Variants in TMEM198 observed in about 807,000 individuals in gnomAD.
The protein encoded by TMEM198 is transmembrane protein 198.
A neutral mutation model predicts 31.5 loss-of-function variants in TMEM198; 21 were observed. The ratio of observed to expected loss-of-function variants is 0.67; its 90% CI spans 0.47 to 0.96. TMEM198 has a LOEUF of 0.96. Among genes scored for constraint, TMEM198 ranks in the 40% least tolerant of loss-of-function variants. The pLI is 0.00. For missense variants in TMEM198, 447 were observed against 499.4 expected (o/e 0.89, Z 1.00); for synonymous variants, 211 against 223.3 (o/e 0.95, Z 0.49).
chr2:219,549,308 G>A lies in TMEM198; in HGVS notation c.899G>A (p.Arg300His), dbSNP rs144155668. The change falls in exon 4 of 5, where the codon CGC becomes CAC. Residue 300 changes from arginine to histidine, a missense_variant. Transcript: ENST00000373883. ...GGGCCACCAGACCCTGCTTATCGGC[G>A]CAGGCCAGTGCCCATCAAACGCTTC... is the stretch of plus-strand genomic sequence containing the variant. Reference protein sequence around the residue: ...RPGPPDPAYRRRPVPIKRFNG... With the variant: ...RPGPPDPAYRHRPVPIKRFNG... 9.2e-5 allele frequency: 148 copies of A among 1,613,710 alleles called. No homozygotes were observed. Among genetic ancestry groups the A allele is most frequent in the South Asian group, 4.4e-5 (4 of 91,086 alleles).
In TMEM198 at chr2:219,548,192, A is replaced by G. The variant is rs1203281768; in HGVS notation, c.742+111A>G. The G allele has an allele frequency of 2.9e-6, 3 of 1,039,292 alleles. 1 individual carries two copies. Among genetic ancestry groups the G allele is most frequent in the South Asian group, 3.4e-5 (2 of 58,372 alleles). 64.4% of individuals were successfully genotyped at this position (1,039,292 alleles called of 1,614,324 possible). A position where few individuals can be genotyped will look rare whatever the true frequency, so the allele number is the denominator to read the frequency against. ...AGCAGCAGAAGGCCTCGATGGCGGT[A>G]GAGAGCTGACTTGCTCAGGGTCTGG... On this transcript the variant is annotated intron_variant, in intron 3 of 4. Transcript: ENST00000373883.
At chr2:219,546,299 A>G (rs1364316095) in intron 2 of TMEM198, among the ~76,000 whole-genome samples, 3 of 152,118 alleles carry the variant, frequency 2.0e-5, no homozygotes, top group East Asian at 1.9e-4. Flanking sequence ...AAGTATCTCT[A>G]ATGGGCCTAA....
intron 1 of TMEM198, 44 bp from the exon 2 acceptor site, chr2:219,544,645 G>C: frequency 6.6e-7 from 1 of 1,522,618 alleles, no homozygotes; most frequent in Non-Finnish European, 9.0e-7. Context: ...CCATCCTGGT[G>C]GGGACCCAGG....
Position 219,549,987 on chromosome 2 carries a change from G to C in TMEM198, c.*133G>C, listed in dbSNP as rs1003646330. On this transcript the variant is annotated 3_prime_UTR_variant, in exon 5 of 5. Transcript: ENST00000373883. ...GAGAGGGCTGGCCTGGTCACTAGAA[G>C]GGAGGATTGTCTCAGGCGAGTCTTG... 6.2e-5 allele frequency: 77 copies of C among 1,238,074 alleles called. No individual in the cohort carries two copies. Among genetic ancestry groups the C allele is most frequent in the Non-Finnish European group, 7.8e-5 (70 of 899,926 alleles). The allele number at this position is 1,238,074 out of a possible 1,614,324, so 76.7% of individuals were successfully genotyped here. A position where few individuals can be genotyped will look rare whatever the true frequency, so the allele number is the denominator to read the frequency against.
chr2:219,545,496 G>A (rs1219964087), intron 2 of TMEM198, among the ~76,000 whole-genome samples: 1 of 152,206 alleles, frequency 6.6e-6, no homozygotes, highest in Non-Finnish European at 1.5e-5. Context: ...CAGCTGAGTG[G>A]GCAAGTGGGG....
At chr2:219,545,502 T>G (rs926545793) in intron 2 of TMEM198, among the ~76,000 whole-genome samples, 1 of 152,160 alleles carries the variant, frequency 6.6e-6, no homozygotes, top group African/African-American at 2.4e-5. Context: ...AGTGGGCAAG[T>G]GGGGGCTAAA....
rs750413176 is a variant in TMEM198, at chr2:219,549,863, G to A, written c.*9G>A. On this transcript the variant is annotated 3_prime_UTR_variant, in exon 5 of 5. Coordinates refer to ENST00000373883, the MANE Select transcript of TMEM198 (RefSeq NM_001005209.3). ...CCCCAGTGCGGGTATAGCCATATCT[G>A]TCTGTCTAGACTCTGCAGTCACCAG... The A allele has an allele frequency of 3.1e-6, 5 of 1,613,220 alleles. No individual in the cohort carries two copies. In the African/African-American group the frequency reaches 6.7e-5, roughly 22 times the overall value.
At chr2:219,547,317 T>G in intron 2 of TMEM198, 189 bp from the exon 3 acceptor site, 1 of 472,532 alleles carries the variant, frequency 2.1e-6, no homozygotes, top group East Asian at 3.1e-5. Context: ...CAGCCATATC[T>G]CTCTAACCTC....
chr2:219,547,446 C>G (rs1695411824), intron 2 of TMEM198, 60 bp from the exon 3 acceptor site: 3 of 1,343,794 alleles, frequency 2.2e-6, no homozygotes, highest in Non-Finnish European at 2.9e-6. Context: ...CCCCTTGGAC[C>G]TGCTCCCTCC....
intron 2 of TMEM198, among the ~76,000 whole-genome samples, chr2:219,546,778 C>CTTTTTTTT (rs397987890): frequency 1.6e-5 from 2 of 127,282 alleles, no homozygotes; most frequent in Non-Finnish European, 3.2e-5. Context: ...TCTCAAGTTT[C>CTTTTTTTT]TTTTTTTTTT....
chr2:219,549,450 A>G, intron 4 of TMEM198, 96 bp downstream of exon 4: 2 of 1,430,992 alleles, frequency 1.4e-6, no homozygotes, highest in East Asian at 4.9e-5. Flanking sequence ...GTTGCTATCT[A>G]GAAGGCCTGT....
intron 2 of TMEM198, among the ~76,000 whole-genome samples, chr2:219,546,093 C>T (rs1436855936): frequency 6.6e-6 from 1 of 152,172 alleles, no homozygotes; most frequent in African/African-American, 2.4e-5. Flanking sequence ...TACGCCCAGG[C>T]TCATGGACTC....
At position 219,550,127 on chromosome 2, in the gene TMEM198, A is replaced by C. The variant is rs13880; in HGVS notation, c.*273A>C. ...GTGTGTTGCCCGTGTGTCTGTGTGT[A>C]TGTGTGTGGGGGTGGGCAGGCTTGG... On this transcript the variant is annotated 3_prime_UTR_variant, in exon 5 of 5. Transcript: ENST00000373883. 1.5e-3 allele frequency: 620 copies of C among 407,986 alleles called. 1 individual carries two copies. The highest frequency in any genetic ancestry group is 2.3e-3 in the Non-Finnish European group (523 of 227,586). The allele number at this position is 407,986 out of a possible 1,614,324, so 25.3% of individuals were successfully genotyped here. A position where few individuals can be genotyped will look rare whatever the true frequency, so the allele number is the denominator to read the frequency against.
chr2:219,549,715 A>G lies in TMEM198; in HGVS notation c.946-2A>G. ...CTCACACCTATGTTTGCTCCCCCAC[A>G]GAGCTATATCCAGAGCTTCCGAGAC... is the stretch of plus-strand genomic sequence containing the variant. On this transcript the variant is annotated splice_acceptor_variant, in intron 4 of 4. Coordinates refer to ENST00000373883, the MANE Select transcript of TMEM198 (RefSeq NM_001005209.3). LOFTEE classifies it high-confidence loss of function. 6.2e-7 allele frequency: 1 copy of G among 1,613,574 alleles called. No individual in the cohort carries two copies. Among genetic ancestry groups the G allele is most frequent in the Non-Finnish European group, 8.5e-7 (1 of 1,179,788 alleles).
chr2:219,550,537 AC>A lies in TMEM198; in HGVS notation c.*687del. Reference sequence around the variant, plus strand: ...GACACCTCATGCTTCTGTCTCCCCCACCCCACTCTGTTTTACATCTTTTATA... The same window carrying A: ...GACACCTCATGCTTCTGTCTCCCCCACCCACTCTGTTTTACATCTTTTATA... On this transcript the variant is annotated 3_prime_UTR_variant, in exon 5 of 5. Transcript: ENST00000373883. 1 of 447,866 alleles carries A rather than the reference AC, an allele frequency of 2.2e-6. No individual in the cohort carries two copies. Among genetic ancestry groups the A allele is most frequent in the Non-Finnish European group, 4.1e-6 (1 of 245,858 alleles). 27.7% of individuals were successfully genotyped at this position (447,866 alleles called of 1,614,324 possible). A position where few individuals can be genotyped will look rare whatever the true frequency, so the allele number is the denominator to read the frequency against.
At chr2:219,545,138 ATCTG>A (rs1159436650) in intron 2 of TMEM198, among the ~76,000 whole-genome samples, 1 of 152,228 alleles carries the variant, frequency 6.6e-6, no homozygotes, top group Non-Finnish European at 1.5e-5. Flanking sequence ...GGGCACATTA[ATCTG>A]TCTGAGCCTC....
rs748682965 is a variant in TMEM198 at position 219,544,920 on chromosome 2, T to G, written c.166+27T>G. 2.5e-6 allele frequency: 4 copies of G among 1,606,434 alleles called. No homozygotes were observed. The East Asian group carries it at 9.0e-5, about 36-fold the overall frequency. ...TGAGATCCCCATCTCATCCCTCACC[T>G]GGGCTCCCCAGTGTTTCCCCGAGTT... On this transcript the variant is annotated intron_variant, in intron 2 of 4. Coordinates refer to ENST00000373883, the MANE Select transcript of TMEM198 (RefSeq NM_001005209.3).
intron 4 of TMEM198, 61 bp from the exon 5 acceptor site, chr2:219,549,656 G>A (rs1331503526): frequency 6.3e-7 from 1 of 1,596,364 alleles, no homozygotes. Flanking sequence ...AATTCAGGAA[G>A]AGGTGGCTTT....
intron 2 of TMEM198, among the ~76,000 whole-genome samples, chr2:219,546,939 C>A (rs961236753): frequency 6.6e-6 from 1 of 152,030 alleles, no homozygotes; most frequent in Non-Finnish European, 1.5e-5. Context: ...CCACCATGCC[C>A]GGCTAATTTT....
Sources: allele counts gnomAD v4.1 joint callset (sites outside exome capture counted in the v4.1 genomes callset), GRCh38; gene constraint gnomAD v4.1.1; transcripts MANE v1.5; gene names NCBI Gene and HGNC (gene_info 2026-07-23, HGNC 2026-07-21).